Variants in LRP10 observed in about 807,000 individuals in gnomAD.
The protein encoded by LRP10 is LDL receptor related protein 10.
LRP10 carries 42 observed loss-of-function variants against 58.5 expected under a neutral mutation model. The ratio of observed to expected loss-of-function variants is 0.72; its 90% CI spans 0.56 to 0.93. LRP10 has a LOEUF of 0.93. Ranked by LOEUF, LRP10 falls within the 40% of genes least tolerant of loss-of-function variation. The pLI, the probability that LRP10 is intolerant of heterozygous loss-of-function variation, is 0.00. For synonymous variants in LRP10, 377 were observed against 388.5 expected (o/e 0.97, Z 0.35); for missense variants, 872 against 940.1 (o/e 0.93, Z 0.95).
rs2039959218 is a variant in LRP10, at chr14:22,872,046, C to T, written c.-258C>T. The T allele has an allele frequency of 3.5e-6, 2 of 573,142 alleles. No homozygotes were observed. Among genetic ancestry groups the T allele is most frequent in the African/African-American group, 2.0e-5 (1 of 51,070 alleles). 35.5% of individuals were successfully genotyped at this position (573,142 alleles called of 1,614,324 possible). ...GTGCCGAGACCCGGGGCTTCAGGAG[C>T]CGGCCCCGGGAGAGAAGAGTGCGGC... is the stretch of plus-strand genomic sequence containing the variant. On this transcript the variant is annotated 5_prime_UTR_variant, in exon 1 of 7. Transcript: ENST00000359591.
At chr14:22,874,981 TG>T in intron 3 of LRP10, 73 bp from the exon 4 acceptor site, 1 of 1,150,702 alleles carries the variant, frequency 8.7e-7, no homozygotes, top group Non-Finnish European at 1.2e-6. Context: ...ACAAGGGGCC[TG>T]GTGGCACCAG....
At position 22,876,692 on chromosome 14, in the gene LRP10, C is replaced by T; in HGVS notation, c.1428C>T (p.Ile476=). 1.2e-6 allele frequency: 2 copies of T among 1,613,444 alleles called. No individual in the cohort carries two copies. Among genetic ancestry groups the T allele is most frequent in the South Asian group, 2.2e-5 (2 of 90,998 alleles). The change falls in exon 6 of 7, where the codon ATC becomes ATT. Residue 476 remains isoleucine, a synonymous_variant. Coordinates refer to ENST00000359591, the MANE Select transcript of LRP10 (RefSeq NM_014045.5). The part of the protein sequence containing the change: ...LYAIRTQEYS[I]FAPLSRMEAE... The stretch of plus-strand genomic sequence containing the variant: ...GAGCAGTCCTCATTCCTTCTAGCAT[C>T]TTTGCCCCCCTCTCCCGGATGGAGG...
chr14:22,876,457 C>G, intron 5 of LRP10, 85 bp downstream of exon 5: 1 of 1,511,516 alleles, frequency 6.6e-7, no homozygotes, highest in Non-Finnish European at 9.0e-7. Flanking sequence ...ACGAAAGTGC[C>G]CACCTTGGGG....
chr14:22,877,225 C>T lies in LRP10; in HGVS notation c.1840C>T (p.Pro614Ser), dbSNP rs1400092035. 1 of 1,601,888 alleles carries T rather than the reference C, an allele frequency of 6.2e-7. No individual in the cohort carries two copies. Residue 614 changes from proline (P) to serine (S), a missense_variant, in exon 7 of 7, where the codon CCC becomes TCC. Transcript: ENST00000359591. The surrounding 1 kb of genome is among the most constrained non-coding windows in gnomAD (Gnocchi z 5.1). ...AVGGQDGEQA[P>S]PLPIKAPLPS... ...GGGTGGGCAAGATGGGGAGCAGGCA[C>T]CCCCACTGCCCATCAAGGCTCCCCT...
chr14:22,879,557 T>C lies in LRP10; in HGVS notation c.*2030T>C. The C allele has an allele frequency of 5.3e-6, 1 of 187,768 alleles. No homozygotes were observed. Among genetic ancestry groups the C allele is most frequent in the Non-Finnish European group, 1.2e-5 (1 of 85,758 alleles). 11.6% of individuals were successfully genotyped at this position (187,768 alleles called of 1,614,324 possible). A position where few individuals can be genotyped will look rare whatever the true frequency, so the allele number is the denominator to read the frequency against. On this transcript the variant is annotated 3_prime_UTR_variant, in exon 7 of 7. Coordinates refer to ENST00000359591, the MANE Select transcript of LRP10 (RefSeq NM_014045.5). ...ATATCTTCATCCCTTCATCCAGACC[T>C]TTTCTCTCCTAGTGGTATTGCAAAC...
chr14:22,872,697 GGA>G, intron 1 of LRP10, 39 bp from the exon 2 acceptor site: 2 of 1,605,840 alleles, frequency 1.2e-6, no homozygotes, highest in Non-Finnish European at 1.7e-6. Flanking sequence ...AAACTCCTAA[GGA>G]GTGTCTCACG....
At position 22,877,766 on chromosome 14, in the gene LRP10, T is replaced by TCCAGA. The variant is rs2138788093; in HGVS notation, c.*240_*241insCAGAC. The TCCAGA allele has an allele frequency of 4.8e-6, 2 of 418,760 alleles. No individual in the cohort carries two copies. Among genetic ancestry groups the TCCAGA allele is most frequent in the East Asian group, 7.4e-5 (2 of 27,132 alleles). 25.9% of individuals were successfully genotyped at this position (418,760 alleles called of 1,614,324 possible). On this transcript the variant is annotated 3_prime_UTR_variant, in exon 7 of 7. Coordinates refer to ENST00000359591, the MANE Select transcript of LRP10 (RefSeq NM_014045.5). This position sits in a 1 kb window ranked among gnomAD's most constrained non-coding sequence, Gnocchi z 5.1. ...GCCATGGCCAGACACCCCAGTCCCTTCACCACCACCTGCTCCCCACGCCAC... is the reference window on the plus strand; with the variant it reads ...GCCATGGCCAGACACCCCAGTCCCTTCCAGACACCACCACCTGCTCCCCACGCCAC...
At position 22,873,379 on chromosome 14, in the gene LRP10, A is replaced by G; in HGVS notation, c.148A>G (p.Ser50Gly). 3 of 1,614,102 alleles carry G rather than the reference A, an allele frequency of 1.9e-6. No individual in the cohort carries two copies. Among genetic ancestry groups the G allele is most frequent in the South Asian group, 1.1e-5 (1 of 91,082 alleles). ...CTTACAGAGGCCCCTGGTCCGGGAC[A>G]GCCGCACCTCCCCTGCCAACTGCAC... is the stretch of plus-strand genomic sequence containing the variant. ...GTLQRPLVRD[S>G]RTSPANCTWL... The change falls in exon 3 of 7, where the codon AGC (serine) becomes GGC (glycine). Residue 50 changes from serine (S) to glycine (G), a missense_variant. By Grantham distance (56) the Ser-to-Gly change is moderately conservative. Coordinates refer to ENST00000359591, the MANE Select transcript of LRP10 (RefSeq NM_014045.5).
Position 22,875,124 on chromosome 14 carries a change from C to T in LRP10, c.285C>T (p.Ile95=). 2 of 1,613,256 alleles carry T rather than the reference C, an allele frequency of 1.2e-6. No individual in the cohort carries two copies. The highest frequency in any genetic ancestry group is 1.7e-6 in the Non-Finnish European group (2 of 1,179,644). The change falls in exon 4 of 7, where the codon ATC becomes ATT. Residue 95 remains isoleucine (I), a synonymous_variant. Transcript: ENST00000359591. ...LTLRSPLQPL[I]SLCEAPPSPL... ...TACGCTCCCCTCTCCAGCCACTGAT[C>T]TCCCTGTGTGAGGCACCTCCCAGCC... is the stretch of plus-strand genomic sequence containing the variant.
In LRP10 at chr14:22,877,754, ACCCCAGTCC is replaced by A; in HGVS notation, c.*229_*237del. The A allele has an allele frequency of 2.3e-6, 1 of 435,444 alleles. No individual in the cohort carries two copies. Among genetic ancestry groups the A allele is most frequent in the Non-Finnish European group, 4.0e-6 (1 of 247,674 alleles). The allele number at this position is 435,444 out of a possible 1,614,324, so 27.0% of individuals were successfully genotyped here. A position where few individuals can be genotyped will look rare whatever the true frequency, so the allele number is the denominator to read the frequency against. The stretch of plus-strand genomic sequence containing the variant: ...CCTCTGTACGTGGCCATGGCCAGAC[ACCCCAGTCC>A]CTTCACCACCACCTGCTCCCCACGC... On this transcript the variant is annotated 3_prime_UTR_variant, in exon 7 of 7. Coordinates refer to ENST00000359591, the MANE Select transcript of LRP10 (RefSeq NM_014045.5). This position sits in a 1 kb window ranked among gnomAD's most constrained non-coding sequence, Gnocchi z 5.1.
chr14:22,872,848 C>G, intron 2 of LRP10, 66 bp downstream of exon 2: 1 of 1,525,586 alleles, frequency 6.6e-7, no homozygotes, highest in South Asian at 1.1e-5. Context: ...GAAGGACTCT[C>G]TGTTCCCTGA....
Position 22,877,052 on chromosome 14 carries a change from TG to T in LRP10, c.1669del (p.Val557TyrfsTer36), listed in dbSNP as rs1340488174. The T allele has an allele frequency of 1.2e-6, 2 of 1,613,680 alleles. No individual in the cohort carries two copies. The highest frequency in any genetic ancestry group is 2.7e-5 in the African/African-American group (2 of 74,930). On this transcript the variant is annotated frameshift_variant, in exon 7 of 7. Transcript: ENST00000359591. LOFTEE classifies it high-confidence loss of function. The surrounding 1 kb of genome is among the most constrained non-coding windows in gnomAD (Gnocchi z 5.1). Reference protein sequence around the residue: ...RRQRGRLMRRLVRRLRRWGLL... With the variant: ...RRQRGRLMRRXVRRLRRWGLL... The stretch of plus-strand genomic sequence containing the variant: ...CAGCGGGGCCGCTTGATGCGACGCC[TG>T]GTACGCCGTCTCCGCCGCTGGGGCT...
chr14:22,880,612 A>C lies in LRP10; in HGVS notation c.*3085A>C, dbSNP rs1221154962. 6.6e-6 allele frequency: 1 copy of C among 152,122 alleles called. No individual in the cohort carries two copies. Among genetic ancestry groups the C allele is most frequent in the African/African-American group, 2.4e-5 (1 of 41,420 alleles). The allele number at this position is 152,122 out of a possible 1,614,324, so 9.4% of individuals were successfully genotyped here. Reference sequence around the variant, plus strand: ...AAAATAAATAAATAGATTTAAAAAAAAAATCATGGGCCTGAACCAAGCTCC... The same window carrying C: ...AAAATAAATAAATAGATTTAAAAAACAAATCATGGGCCTGAACCAAGCTCC... On this transcript the variant is annotated 3_prime_UTR_variant, in exon 7 of 7. Transcript: ENST00000359591.
chr14:22,872,678 T>C (rs765632443), intron 1 of LRP10, 60 bp from the exon 2 acceptor site: 1 of 1,562,148 alleles, frequency 6.4e-7, no homozygotes, highest in Non-Finnish European at 8.8e-7. Context: ...GTTGCTCAGG[T>C]GAAGAAGAAA....
In LRP10 at chr14:22,879,611, C is replaced by T. The variant is rs2040041995; in HGVS notation, c.*2084C>T. 6.0e-6 allele frequency: 1 copy of T among 167,688 alleles called. No homozygotes were observed. The highest frequency in any genetic ancestry group is 1.5e-4 in the East Asian group (1 of 6,574). 10.4% of individuals were successfully genotyped at this position (167,688 alleles called of 1,614,324 possible). A position where few individuals can be genotyped will look rare whatever the true frequency, so the allele number is the denominator to read the frequency against. The stretch of plus-strand genomic sequence containing the variant: ...AAGTGGACAAAGACTTAAGGTAAAC[C>T]TGCTCCTCATGGTGGAATGCTTCCA... On this transcript the variant is annotated 3_prime_UTR_variant, in exon 7 of 7. Transcript: ENST00000359591.
chr14:22,877,184 G>C lies in LRP10; in HGVS notation c.1799G>C (p.Arg600Pro). 1 of 1,597,338 alleles carries C rather than the reference G, an allele frequency of 6.3e-7. No homozygotes were observed. Among genetic ancestry groups the C allele is most frequent in the Non-Finnish European group, 8.5e-7 (1 of 1,172,222 alleles). Residue 600 changes from arginine to proline, a missense_variant, in exon 7 of 7, where the codon CGT becomes CCT. Transcript: ENST00000359591. The surrounding 1 kb of genome is among the most constrained non-coding windows in gnomAD (Gnocchi z 5.1). ...CTAGATGGTGGCACAGGTCCAGCCC[G>C]TGAGGGCGGGGCAGTGGGTGGGCAA... ...EALDGGTGPA[R>P]EGGAVGGQDG...
intron 2 of LRP10, 143 bp downstream of exon 2, chr14:22,872,925 T>A: frequency 1.3e-6 from 1 of 797,870 alleles, no homozygotes; most frequent in Non-Finnish European, 2.0e-6. Context: ...ATAAGGAAGC[T>A]GAGGCTCGGT....
In LRP10 at chr14:22,872,155, TG is replaced by T; in HGVS notation, c.-147del. On this transcript the variant is annotated 5_prime_UTR_variant, in exon 1 of 7. Coordinates refer to ENST00000359591, the MANE Select transcript of LRP10 (RefSeq NM_014045.5). ...GCCGCCGCCTCCCCGCCCCCAGCCC[TG>T]GCATCCAGAGTACGGGTCGAGCCCG... 1 of 758,706 alleles carries T rather than the reference TG, an allele frequency of 1.3e-6. No homozygotes were observed. Among genetic ancestry groups the T allele is most frequent in the Non-Finnish European group, 2.3e-6 (1 of 441,104 alleles). 47.0% of individuals were successfully genotyped at this position (758,706 alleles called of 1,614,324 possible).
intron 3 of LRP10, among the ~76,000 whole-genome samples, chr14:22,874,610 G>T (rs545750046): frequency 1.7e-4 from 26 of 152,304 alleles, no homozygotes; most frequent in African/African-American, 5.8e-4. Flanking sequence ...TTTGGCTGCC[G>T]GGCATGGTGG....
Sources: gnomAD v4.1 joint callset for allele counts (sites outside exome capture counted in the v4.1 genomes callset) on GRCh38, gnomAD v4.1.1 for gene constraint, Gnocchi (gnomAD v3.1) non-coding constraint, MANE v1.5 for transcripts, NCBI Gene and HGNC (gene_info 2026-07-23, HGNC 2026-07-21) for gene names.